PCDHGA11: variants seen among roughly 807,000 people sequenced by gnomAD.
The protein encoded by PCDHGA11 is protocadherin gamma-A11.
In PCDHGA11, 39 loss-of-function variants were observed where a neutral mutation model predicts 60.4. The ratio of observed to expected loss-of-function variants is 0.65; its 90% CI spans 0.50 to 0.84. The LOEUF is 0.84. Among genes scored for constraint, PCDHGA11 ranks in the 40% least tolerant of loss-of-function variants. The pLI is 0.00. For synonymous variants in PCDHGA11, 533 were observed against 510.3 expected (o/e 1.04, Z -0.60); for missense variants, 1,165 against 1,197.7 (o/e 0.97, Z 0.40).
chr5:141,491,549 A>T lies in PCDHGA11; in HGVS notation c.2434-3258A>T, dbSNP rs748281587. 18 of 1,613,860 alleles carry T rather than the reference A, an allele frequency of 1.1e-5. No homozygotes were observed. In the East Asian group the frequency reaches 3.8e-4, roughly 34 times the overall value. On this transcript the variant is annotated intron_variant, in intron 1 of 3. Coordinates refer to ENST00000398587, the MANE Select transcript of PCDHGA11 (RefSeq NM_018914.3). This position sits in a 1 kb window ranked among gnomAD's most constrained non-coding sequence, Gnocchi z 6.9. Reference sequence around the variant, plus strand: ...GTGACGCTGCGGCCCACAGACTCGCAGAGCCACTGCTACAGGACGTGCTTT... The same window carrying T: ...GTGACGCTGCGGCCCACAGACTCGCTGAGCCACTGCTACAGGACGTGCTTT...
rs552017054 is a variant in PCDHGA11 at position 141,425,594 on chromosome 5, A to G, written c.2433+1934A>G. On this transcript the variant is annotated intron_variant, in intron 1 of 3. Transcript: ENST00000398587. ...GGGTTTGGCTAACTTTATTCTGAAT[A>G]TGCCCTATATAGCTTTCAGTGCTCC... 2.6e-5 allele frequency among the ~76,000 whole-genome samples: 4 copies of G among 152,370 alleles called. No homozygotes were observed. In the South Asian group the frequency reaches 8.3e-4, roughly 32 times the overall value.
chr5:141,511,361 G>C lies in PCDHGA11; in HGVS notation c.*188G>C, dbSNP rs2099883750. 7.4e-7 allele frequency: 1 copy of C among 1,345,388 alleles called. No individual in the cohort carries two copies. Among genetic ancestry groups the C allele is most frequent in the Non-Finnish European group, 9.9e-7 (1 of 1,006,550 alleles). The allele number at this position is 1,345,388 out of a possible 1,614,324, so 83.3% of individuals were successfully genotyped here. On this transcript the variant is annotated 3_prime_UTR_variant, in exon 4 of 4. Transcript: ENST00000398587. ...CCTACCCCTTCCCCCCCAGGGGGTTGAATATGCAAAAGCAGTTCCGCTGGG... is the reference window on the plus strand; with the variant it reads ...CCTACCCCTTCCCCCCCAGGGGGTTCAATATGCAAAAGCAGTTCCGCTGGG...
At position 141,493,412 on chromosome 5, in the gene PCDHGA11, G is replaced by A. The variant is rs1288041038; in HGVS notation, c.2434-1395G>A. Among the ~76,000 whole-genome samples, 3 of 152,114 alleles carry A rather than the reference G, an allele frequency of 2.0e-5. No individual in the cohort carries two copies. The highest frequency in any genetic ancestry group is 4.4e-5 in the Non-Finnish European group (3 of 68,024). On this transcript the variant is annotated intron_variant, in intron 1 of 3. Coordinates refer to ENST00000398587, the MANE Select transcript of PCDHGA11 (RefSeq NM_018914.3). This position sits in a 1 kb window ranked among gnomAD's most constrained non-coding sequence, Gnocchi z 4.3. ...CAGGAGAGGGGAGTTGCCTCTGCTG[G>A]GATTTTGCTTCTGCTGGGATGGGGC...
rs1286755310 is a variant in PCDHGA11 at position 141,421,183 on chromosome 5, A to G, written c.-45A>G. On this transcript the variant is annotated 5_prime_UTR_variant, in exon 1 of 4. Coordinates refer to ENST00000398587, the MANE Select transcript of PCDHGA11 (RefSeq NM_018914.3). ...TCATAGATACATAAGCCGATTCACA[A>G]CCAACCAGCTCGAGAAACCGCGGAA... is the stretch of plus-strand genomic sequence containing the variant. 2.7e-6 allele frequency: 4 copies of G among 1,457,360 alleles called. No individual in the cohort carries two copies. The highest frequency in any genetic ancestry group is 4.8e-5 in the Admixed American group (2 of 41,500). 90.3% of individuals were successfully genotyped at this position (1,457,360 alleles called of 1,614,324 possible). A position where few individuals can be genotyped will look rare whatever the true frequency, so the allele number is the denominator to read the frequency against.
rs2233610 is a variant in PCDHGA11, at chr5:141,505,535, G to A, written c.2581+54G>A. ...AGTGGGAGACCTGGGGTTCTGGGGT[G>A]CATCTCACAGCCACCATGCCCACGG... is the stretch of plus-strand genomic sequence containing the variant. On this transcript the variant is annotated intron_variant, in intron 3 of 3. Transcript: ENST00000398587. 12 of 1,610,344 alleles carry A rather than the reference G, an allele frequency of 7.5e-6. No individual in the cohort carries two copies. The East Asian group carries it at 1.8e-4, about 24-fold the overall frequency.
intron 3 of PCDHGA11, among the ~76,000 whole-genome samples, chr5:141,510,354 G>A (rs1311482557): frequency 2.1e-5 from 3 of 146,300 alleles, no homozygotes; most frequent in Non-Finnish European, 4.5e-5. Flanking sequence ...ACTTACTAAC[G>A]GAACTACCGA....
intron 1 of PCDHGA11, among the ~76,000 whole-genome samples, chr5:141,462,192 T>C (rs1323806836): frequency 6.6e-6 from 1 of 152,198 alleles, no homozygotes; most frequent in Non-Finnish European, 1.5e-5. Context: ...ACTCCTGACC[T>C]CAGGTGATCC....
chr5:141,428,082 G>A lies in PCDHGA11; in HGVS notation c.2433+4422G>A, dbSNP rs776612130. 2.5e-6 allele frequency: 4 copies of A among 1,609,030 alleles called. No individual in the cohort carries two copies. In the African/African-American group the frequency reaches 5.3e-5, roughly 21 times the overall value. On this transcript the variant is annotated intron_variant, in intron 1 of 3. Transcript: ENST00000398587. ...GGTGGACGCAGATTCGGGACACAACGCTTGGCTGTCCTACCACGTGCTGCA... is the reference window on the plus strand; with the variant it reads ...GGTGGACGCAGATTCGGGACACAACACTTGGCTGTCCTACCACGTGCTGCA...
chr5:141,432,934 G>T lies in PCDHGA11; in HGVS notation c.2433+9274G>T, dbSNP rs377666802. 1.2e-6 allele frequency: 2 copies of T among 1,614,078 alleles called. No individual in the cohort carries two copies. The highest frequency in any genetic ancestry group is 1.3e-5 in the African/African-American group (1 of 74,940). On this transcript the variant is annotated intron_variant, in intron 1 of 3. Coordinates refer to ENST00000398587, the MANE Select transcript of PCDHGA11 (RefSeq NM_018914.3). This position sits in a 1 kb window ranked among gnomAD's most constrained non-coding sequence, Gnocchi z 6.0. ...GGCGCTGGCACAAGTCACGCCTGCT[G>T]CAGGCTTCAGGAGGCGGCTTGACAG...
At chr5:141,447,238 C>T (rs1028683423) in intron 1 of PCDHGA11, among the ~76,000 whole-genome samples, 1 of 152,148 alleles carries the variant, frequency 6.6e-6, no homozygotes, top group Non-Finnish European at 1.5e-5. Context: ...CTCCCGGGTT[C>T]AAGTGATTCT....
At chr5:141,463,103 A>G (rs1235750988) in intron 1 of PCDHGA11, among the ~76,000 whole-genome samples, 1 of 152,206 alleles carries the variant, frequency 6.6e-6, no homozygotes, top group African/African-American at 2.4e-5. Context: ...GTGACCATCA[A>G]GAATTCAGCT....
chr5:141,427,528 A>G (rs1360860476), intron 1 of PCDHGA11: 1 of 617,748 alleles, frequency 1.6e-6, no homozygotes, highest in Non-Finnish European at 3.0e-6. Context: ...CGGATCCCGG[A>G]GTACAACGTC....
Position 141,475,063 on chromosome 5 carries a change from C to T in PCDHGA11, c.2434-19744C>T, listed in dbSNP as rs552623067. Among the ~76,000 whole-genome samples the T allele has an allele frequency of 1.1e-4, 16 of 152,320 alleles. No individual in the cohort carries two copies. The South Asian group carries it at 2.9e-3, about 28-fold the overall frequency. The stretch of plus-strand genomic sequence containing the variant: ...TTGTATTTTCTAAAGATTTGTGGAG[C>T]TTTGCTGCCATTATTTCAATAATTT... On this transcript the variant is annotated intron_variant, in intron 1 of 3. Coordinates refer to ENST00000398587, the MANE Select transcript of PCDHGA11 (RefSeq NM_018914.3).
In PCDHGA11 at chr5:141,512,517, A is replaced by G. The variant is rs985434754; in HGVS notation, c.*1344A>G. ...GTCCCCAGTGCGCCCCCTAGTGGCC[A>G]TAGCCTGGTTAAAGTTCCCCAGTGC... On this transcript the variant is annotated 3_prime_UTR_variant, in exon 4 of 4. Coordinates refer to ENST00000398587, the MANE Select transcript of PCDHGA11 (RefSeq NM_018914.3). 3 of 152,938 alleles carry G rather than the reference A, an allele frequency of 2.0e-5. No individual in the cohort carries two copies. Among genetic ancestry groups the G allele is most frequent in the African/African-American group, 7.2e-5 (3 of 41,464 alleles). 9.5% of individuals were successfully genotyped at this position (152,938 alleles called of 1,614,324 possible).
intron 1 of PCDHGA11, 72 bp from the exon 2 acceptor site, chr5:141,494,735 A>C: frequency 6.2e-7 from 1 of 1,610,712 alleles, no homozygotes; most frequent in Middle Eastern, 1.7e-4. Context: ...CTCCCGGCCC[A>C]TCCCTAGGGG....
At chr5:141,488,385 G>A (rs917106670) in intron 1 of PCDHGA11, among the ~76,000 whole-genome samples, 11 of 152,164 alleles carry the variant, frequency 7.2e-5, no homozygotes, top group Non-Finnish European at 1.5e-5. Context: ...TCCTGAATTT[G>A]GTGAAACCAT....
At position 141,436,706 on chromosome 5, in the gene PCDHGA11, A is replaced by G. The variant is rs149478256; in HGVS notation, c.2433+13046A>G. 3.9e-3 allele frequency among the ~76,000 whole-genome samples: 587 copies of G among 152,318 alleles called. 6 individuals are homozygous for G. Among genetic ancestry groups the G allele is most frequent in the Admixed American group, 0.011 (169 of 15,304 alleles). On this transcript the variant is annotated intron_variant, in intron 1 of 3. Transcript: ENST00000398587. ...TATATTTTCAATGCCAGCACACTCG[A>G]TGTTCTGTTGGGAAAAATAATAATG...
intron 1 of PCDHGA11, among the ~76,000 whole-genome samples, chr5:141,433,653 T>C (rs1030084681): frequency 6.6e-6 from 1 of 152,024 alleles, no homozygotes; most frequent in Non-Finnish European, 1.5e-5. Flanking sequence ...CTGACCAACA[T>C]GGAGAAACCC....
intron 1 of PCDHGA11, among the ~76,000 whole-genome samples, chr5:141,462,069 C>T (rs555164288): frequency 4.3e-4 from 65 of 151,850 alleles, no homozygotes; most frequent in Non-Finnish European, 7.5e-4. Context: ...GTGATCTGCC[C>T]GCCTTGGCCT....
Sources: gnomAD v4.1 joint callset for allele counts (sites outside exome capture counted in the v4.1 genomes callset) on GRCh38, gnomAD v4.1.1 for gene constraint, Gnocchi (gnomAD v3.1) non-coding constraint, MANE v1.5 for transcripts, NCBI Gene and HGNC (gene_info 2026-07-23, HGNC 2026-07-21) for gene names.